The following KDM4C variants were observed in gnomAD, a reference collection of about 807,000 sequenced individuals.
KDM4C encodes lysine-specific demethylase 4C.
In KDM4C, 81 loss-of-function variants were observed where a neutral mutation model predicts 129.3. The observed-to-expected ratio is 0.63, with a 90% confidence interval of 0.52 to 0.75. The LOEUF (loss-of-function observed/expected upper bound fraction) is 0.75. KDM4C is among the 30% of genes least tolerant of loss of function. The pLI is 0.00. For missense variants in KDM4C, 1,457 were observed against 1,304.0 expected, an observed-to-expected ratio of 1.12 and a Z score of -1.81; for synonymous variants, 573 against 456.1, an observed-to-expected ratio of 1.26 and a Z score of -3.26.
chr9:6,749,740 A>C lies in KDM4C; in HGVS notation c.49+28743A>C, dbSNP rs560634881. On this transcript the variant is annotated intron_variant, in intron 1 of 17. Transcript: ENST00000536108. ...AGTGGCTCATGCCTGTAATCCCAGC[A>C]CTTTGGGAGGCTGAGGTGGGAGGAT... 9.9e-5 allele frequency among the ~76,000 whole-genome samples: 15 copies of C among 152,210 alleles called. No homozygotes were observed. In the East Asian group the frequency reaches 2.9e-3, roughly 29 times the overall value.
intron 12 of KDM4C, among the ~76,000 whole-genome samples, chr9:7,007,998 A>C (rs1821994370): frequency 6.6e-6 from 1 of 152,152 alleles, no homozygotes; most frequent in Non-Finnish European, 1.5e-5. Flanking sequence ...ATGCCTTCAA[A>C]AGAGATACAG....
intron 4 of KDM4C, among the ~76,000 whole-genome samples, chr9:6,834,059 A>T (rs868387301): frequency 9.6e-5 from 3 of 31,214 alleles, no homozygotes; most frequent in East Asian, 2.4e-3. Flanking sequence ...TTTTTTTTTT[A>T]AGATAGTCTT....
intron 8 of KDM4C, among the ~76,000 whole-genome samples, chr9:6,919,605 C>T (rs1821101470): frequency 6.7e-6 from 1 of 150,090 alleles, no homozygotes; most frequent in South Asian, 2.1e-4. Context: ...GATGGAGTTT[C>T]ACTCTTGTTG....
At chr9:6,894,128 C>A (rs1359385012) in intron 8 of KDM4C, among the ~76,000 whole-genome samples, 1 of 152,216 alleles carries the variant, frequency 6.6e-6, no homozygotes, top group African/African-American at 2.4e-5. Context: ...CATGTGGAGC[C>A]ATCAGGTGAA....
At chr9:6,959,635 T>C (rs12339305) in intron 8 of KDM4C, among the ~76,000 whole-genome samples, 16,699 of 152,160 alleles carry the variant, frequency 0.11, 2,511 homozygotes, top group African/African-American at 0.34. Context: ...TAAGAGTTTA[T>C]ATTATAGTTA....
intron 4 of KDM4C, chr9:6,815,030 A>G: frequency 4.4e-6 from 1 of 229,130 alleles, no homozygotes; most frequent in Non-Finnish European, 8.4e-6. Context: ...AATACATTAT[A>G]AAAATGTTTG....
rs556531613 is a variant in KDM4C, at chr9:6,970,551, G to T, written c.922-10374G>T. ...TTCCAATATACATTTCATAGAGAGG[G>T]GAAATTAGAGCTTGTGGTGGCATAG... On this transcript the variant is annotated intron_variant, in intron 8 of 21. Transcript: ENST00000381309. Among the ~76,000 whole-genome samples the T allele has an allele frequency of 4.4e-3, 666 of 152,240 alleles. 5 individuals are homozygous for T. The highest frequency in any genetic ancestry group is 7.8e-3 in the Non-Finnish European group (528 of 68,014).
chr9:6,925,507 G>A, intron 8 of KDM4C: 2 of 838,078 alleles, frequency 2.4e-6, no homozygotes, highest in Non-Finnish European at 2.8e-6. Flanking sequence ...TCTTGCTCAT[G>A]CTGCTTTCAA....
At chr9:7,123,427 C>G (rs2133310745) in intron 18 of KDM4C, among the ~76,000 whole-genome samples, 1 of 152,280 alleles carries the variant, frequency 6.6e-6, no homozygotes, top group South Asian at 2.1e-4. Flanking sequence ...AGGGATATCA[C>G]TCTACAGTGC....
intron 17 of KDM4C, among the ~76,000 whole-genome samples, chr9:7,070,290 C>T (rs1833012691): frequency 6.6e-6 from 1 of 152,084 alleles, no homozygotes; most frequent in Non-Finnish European, 1.5e-5. Flanking sequence ...TTGTAAATTT[C>T]AGTATTATGA....
At chr9:6,734,296 T>C (rs1163801416) in intron 1 of KDM4C, among the ~76,000 whole-genome samples, 10 of 146,098 alleles carry the variant, frequency 6.8e-5, no homozygotes, top group African/African-American at 1.1e-4. Context: ...TGGTTTTTTT[T>C]TTTTTTTTTT....
chr9:6,835,405 G>T lies in KDM4C; in HGVS notation c.436-14102G>T, dbSNP rs1417935775. 3.5e-6 allele frequency: 4 copies of T among 1,144,778 alleles called. No homozygotes were observed. The African/African-American group carries it at 4.6e-5, about 13-fold the overall frequency. The allele number at this position is 1,144,778 out of a possible 1,614,324, so 70.9% of individuals were successfully genotyped here. A position where few individuals can be genotyped will look rare whatever the true frequency, so the allele number is the denominator to read the frequency against. On this transcript the variant is annotated intron_variant, in intron 4 of 21. Coordinates refer to ENST00000381309, the MANE Select transcript of KDM4C (RefSeq NM_015061.6). ...CAACAGGATGCAGAAGGAGATCACC[G>T]CCCTGGCGCCCAGCACGATGAAGAT...
chr9:6,810,843 C>T (rs1432806702), intron 3 of KDM4C, among the ~76,000 whole-genome samples: 1 of 151,912 alleles, frequency 6.6e-6, no homozygotes, highest in Non-Finnish European at 1.5e-5. Flanking sequence ...TGCCCCCGAG[C>T]CTGGGTGACA....
intron 8 of KDM4C, among the ~76,000 whole-genome samples, chr9:6,979,582 G>C (rs999184714): frequency 2.0e-5 from 3 of 152,096 alleles, no homozygotes; most frequent in Non-Finnish European, 4.4e-5. Flanking sequence ...CCTTATTCTA[G>C]GTCTAAGAAA....
At chr9:7,101,572 T>C (rs1281805265) in intron 17 of KDM4C, among the ~76,000 whole-genome samples, 1 of 152,220 alleles carries the variant, frequency 6.6e-6, no homozygotes, top group African/African-American at 2.4e-5. Context: ...TGTGATTCTG[T>C]CCTTAGAAGT....
intron 5 of KDM4C, among the ~76,000 whole-genome samples, chr9:6,865,092 T>C (rs1841695789): frequency 1.3e-5 from 2 of 148,408 alleles, no homozygotes; most frequent in African/African-American, 5.0e-5. Context: ...CACTGCAAGC[T>C]CTGCCTCCCG....
chr9:7,073,854 C>A (rs1051685702), intron 17 of KDM4C, among the ~76,000 whole-genome samples: 1 of 152,172 alleles, frequency 6.6e-6, no homozygotes, highest in Admixed American at 6.5e-5. Flanking sequence ...CTGTCAGAGA[C>A]AGCTAAAAGC....
intron 19 of KDM4C, among the ~76,000 whole-genome samples, chr9:7,154,235 T>C (rs1842956105): frequency 6.6e-6 from 1 of 152,206 alleles, no homozygotes; most frequent in Non-Finnish European, 1.5e-5. Context: ...GTCTTGTTAA[T>C]CCCTGCCAGG....
Position 7,013,872 on chromosome 9 carries a change from C to T in KDM4C, c.2053C>T (p.Leu685Phe), listed in dbSNP as rs778587587. ...VVTSEGKTKPLIPEMCFIYSE... is the reference protein window; with the variant it reads ...VVTSEGKTKPFIPEMCFIYSE... ...TACATCGGAGGGAAAGACTAAGCCC[C>T]TCATACCAGAGATGTGTTTTATTTA... is the stretch of plus-strand genomic sequence containing the variant. Residue 685 changes from leucine (L) to phenylalanine (F), a missense_variant, in exon 14 of 22, where the codon CTC (leucine) becomes TTC (phenylalanine). By Grantham distance (22) the Leu-to-Phe change is conservative. Coordinates refer to ENST00000381309, the MANE Select transcript of KDM4C (RefSeq NM_015061.6). 1.2e-6 allele frequency: 2 copies of T among 1,613,952 alleles called. No homozygotes were observed. Among genetic ancestry groups the T allele is most frequent in the Non-Finnish European group, 1.7e-6 (2 of 1,179,890 alleles).
Sources: allele counts gnomAD v4.1 joint callset (sites outside exome capture counted in the v4.1 genomes callset), GRCh38; gene constraint gnomAD v4.1.1; transcripts MANE v1.5; gene names NCBI Gene and HGNC (gene_info 2026-07-23, HGNC 2026-07-21).